SLC5A1: variants seen among roughly 807,000 people sequenced by gnomAD.
SLC5A1 encodes the protein sodium/glucose cotransporter 1.
In SLC5A1, 42 loss-of-function variants were observed where a neutral mutation model predicts 73.5. That is an observed-to-expected ratio of 0.57 (90% CI 0.45 to 0.74). The LOEUF (loss-of-function observed/expected upper bound fraction) is 0.74. SLC5A1 is among the 30% of genes least tolerant of loss of function. SLC5A1 has a pLI of 0.00. For synonymous variants in SLC5A1, 300 were observed against 317.4 expected (o/e 0.95, Z 0.58); for missense variants, 634 against 855.4 (o/e 0.74, Z 3.23).
At chr22:32,047,703 A>T (rs911350251) in intron 1 of SLC5A1, among the ~76,000 whole-genome samples, 1 of 152,200 alleles carries the variant, frequency 6.6e-6, no homozygotes, top group Non-Finnish European at 1.5e-5. Flanking sequence ...AGTTCAATAC[A>T]TCGTTGCAGA....
chr22:32,059,921 ATCAG>A (rs200979826), intron 2 of SLC5A1, among the ~76,000 whole-genome samples: 268 of 151,800 alleles, frequency 1.8e-3, no homozygotes, highest in African/African-American at 6.1e-3. Flanking sequence ...CCCTGGTGAG[ATCAG>A]TCAAAGTTTC....
Position 32,112,458 on chromosome 22 carries a change from C to T in SLC5A1, c.*2245C>T, listed in dbSNP as rs9621386. On this transcript the variant is annotated 3_prime_UTR_variant, in exon 15 of 15. Transcript: ENST00000266088. ...GTCAATTGATACTGCTTAAAAGGCC[C>T]GGTCCGTAGAAAATGCCCAATAAAC... 0.14 allele frequency: 21,825 copies of T among 152,158 alleles called. 1,674 individuals carry two copies. The highest frequency in any genetic ancestry group is 0.18 in the Non-Finnish European group (12,300 of 68,008). 9.4% of individuals were successfully genotyped at this position (152,158 alleles called of 1,614,324 possible). A position where few individuals can be genotyped will look rare whatever the true frequency, so the allele number is the denominator to read the frequency against.
chr22:32,079,988 T>G (rs1331437564), intron 5 of SLC5A1, among the ~76,000 whole-genome samples: 1 of 152,112 alleles, frequency 6.6e-6, no homozygotes, highest in African/African-American at 2.4e-5. Context: ...CCTTTCCCAC[T>G]TCCAACCACT....
intron 5 of SLC5A1, among the ~76,000 whole-genome samples, chr22:32,071,679 T>A (rs574411006): frequency 2.6e-5 from 4 of 152,026 alleles, no homozygotes; most frequent in African/African-American, 7.2e-5. Flanking sequence ...AGTTTTTCTC[T>A]CTCTTGTTGT....
chr22:32,100,597 T>C (rs1423128086), intron 12 of SLC5A1, among the ~76,000 whole-genome samples: 2 of 152,184 alleles, frequency 1.3e-5, no homozygotes, highest in Non-Finnish European at 2.9e-5. Context: ...TTGATTTTTT[T>C]TGAGACAGGA....
chr22:32,106,682 G>A (rs1267922369), intron 14 of SLC5A1, among the ~76,000 whole-genome samples: 1 of 152,212 alleles, frequency 6.6e-6, no homozygotes, highest in African/African-American at 2.4e-5. Context: ...ATAACGCTTA[G>A]TCAGTGCCCA....
intron 12 of SLC5A1, among the ~76,000 whole-genome samples, chr22:32,101,338 G>A (rs1174853348): frequency 6.6e-6 from 1 of 151,580 alleles, no homozygotes; most frequent in Non-Finnish European, 1.5e-5. Flanking sequence ...AGGAAGGAAG[G>A]AGTAAAAAAA....
At chr22:32,051,857 A>T (rs955124169) in intron 2 of SLC5A1, among the ~76,000 whole-genome samples, 3 of 152,232 alleles carry the variant, frequency 2.0e-5, no homozygotes, top group African/African-American at 7.2e-5. Flanking sequence ...AAAACATCCA[A>T]GGAAAATGGA....
chr22:32,084,322 C>T, intron 7 of SLC5A1, 117 bp from the exon 8 acceptor site: 1 of 858,764 alleles, frequency 1.2e-6, no homozygotes, highest in South Asian at 1.4e-5. Context: ...CAAGGCCACT[C>T]AGTGAGGGCT....
In SLC5A1 at chr22:32,049,073, A is replaced by AAAATAAAT. The variant is rs369009468; in HGVS notation, c.136-856_136-849dup. 2.2e-3 allele frequency among the ~76,000 whole-genome samples: 95 copies of AAAATAAAT among 43,392 alleles called. 3 individuals carry two copies. The East Asian group carries it at 0.097, about 44-fold the overall frequency. The allele number at this position is 43,392 out of a possible 152,430, so 28.5% of individuals were successfully genotyped here. On this transcript the variant is annotated intron_variant, in intron 1 of 14. Coordinates refer to ENST00000266088, the MANE Select transcript of SLC5A1 (RefSeq NM_000343.4). ...TGGGTGACTGAGTGAGACTTTGTCT[A>AAAATAAAT]AAATAAATAAATAAATAAATATATA...
intron 10 of SLC5A1, among the ~76,000 whole-genome samples, chr22:32,086,682 G>C (rs1229653359): frequency 6.6e-6 from 1 of 152,122 alleles, no homozygotes; most frequent in African/African-American, 2.4e-5. Context: ...TGGAAAACTG[G>C]ATGGTGGTCC....
chr22:32,104,617 A>C (rs990948723), intron 13 of SLC5A1, among the ~76,000 whole-genome samples, 169 bp from the exon 14 acceptor site: 1 of 152,216 alleles, frequency 6.6e-6, no homozygotes, highest in African/African-American at 2.4e-5. Context: ...CTAAGTTACC[A>C]ATGTTTTTAG....
At chr22:32,084,836 G>A in intron 8 of SLC5A1, 64 bp from the exon 9 acceptor site, 1 of 1,609,232 alleles carries the variant, frequency 6.2e-7, no homozygotes, top group Admixed American at 1.7e-5. Context: ...GCGAAGCTAG[G>A]AAGTACAAAG....
intron 5 of SLC5A1, among the ~76,000 whole-genome samples, chr22:32,074,850 C>T (rs553724383): frequency 3.5e-4 from 53 of 152,076 alleles, no homozygotes; most frequent in Non-Finnish European, 6.9e-4. Context: ...TTACTTACAC[C>T]CTCTCCAGTT....
chr22:32,085,152 G>A, intron 9 of SLC5A1, 117 bp downstream of exon 9: 1 of 1,240,212 alleles, frequency 8.1e-7, no homozygotes, highest in Non-Finnish European at 1.2e-6. Context: ...GTCTCACTCT[G>A]TCACCCAGGC....
chr22:32,092,231 AAT>A (rs968459543), intron 11 of SLC5A1, among the ~76,000 whole-genome samples: 5 of 152,252 alleles, frequency 3.3e-5, no homozygotes, highest in Admixed American at 2.6e-4. Context: ...CTTCACTTAG[AAT>A]AATAGTCTCC....
chr22:32,076,415 A>G (rs112532909), intron 5 of SLC5A1, among the ~76,000 whole-genome samples: 4 of 152,204 alleles, frequency 2.6e-5, no homozygotes, highest in African/African-American at 2.4e-5. Flanking sequence ...AAATGTGCAC[A>G]ATCCCTGGAG....
chr22:32,068,601 G>A lies in SLC5A1; in HGVS notation c.477+1G>A. 6.3e-7 allele frequency: 1 copy of A among 1,599,538 alleles called. No homozygotes were observed. The highest frequency in any genetic ancestry group is 8.6e-7 in the Non-Finnish European group (1 of 1,167,580). ...GCTCTACATTTTCACCAAGATCTCG[G>A]TGAGTCCACTGCCCCAGAGGGCTGG... On this transcript the variant is annotated splice_donor_variant, in intron 5 of 14. Coordinates refer to ENST00000266088, the MANE Select transcript of SLC5A1 (RefSeq NM_000343.4). LOFTEE classifies it high-confidence loss of function.
chr22:32,083,003 G>T, intron 6 of SLC5A1, 71 bp from the exon 7 acceptor site: 1 of 1,381,814 alleles, frequency 7.2e-7, no homozygotes. Context: ...AGGGTGGAGA[G>T]TGGGGAAGGA....
Sources: gnomAD v4.1 joint callset for allele counts (sites outside exome capture counted in the v4.1 genomes callset) on GRCh38, gnomAD v4.1.1 for gene constraint, MANE v1.5 for transcripts, NCBI Gene and HGNC (gene_info 2026-07-23, HGNC 2026-07-21) for gene names.